CSMD1: variants seen among roughly 807,000 people sequenced by gnomAD.
The protein encoded by CSMD1 is CUB and Sushi multiple domains 1.
In CSMD1, 213 loss-of-function variants were observed where a neutral mutation model predicts 417.5. The observed-to-expected ratio is 0.51, with a 90% confidence interval of 0.46 to 0.57. The LOEUF is 0.57. Among genes scored for constraint, CSMD1 ranks in the 20% least tolerant of loss-of-function variants. CSMD1 has a pLI of 0.00. For missense variants in CSMD1, 6,923 were observed against 4,529.7 expected, an observed-to-expected ratio of 1.53 and a Z score of -15.17; for synonymous variants, 2,862 against 1,736.8, an observed-to-expected ratio of 1.65 and a Z score of -16.11.
chr8:4,380,504 G>A (rs560336788), intron 3 of CSMD1, among the ~76,000 whole-genome samples: 55 of 152,262 alleles, frequency 3.6e-4, no homozygotes, highest in Non-Finnish European at 5.9e-4. Flanking sequence ...CTGAGAAACC[G>A]TCACAGCCAA....
intron 10 of CSMD1, among the ~76,000 whole-genome samples, chr8:3,571,692 A>G (rs912984475): frequency 6.6e-6 from 1 of 151,482 alleles, no homozygotes; most frequent in African/African-American, 2.4e-5. Flanking sequence ...CTCCCTCCCC[A>G]TGCTTGAGGG....
chr8:3,124,304 A>G (rs1328831573), intron 41 of CSMD1, among the ~76,000 whole-genome samples: 1 of 152,232 alleles, frequency 6.6e-6, no homozygotes, highest in East Asian at 1.9e-4. Flanking sequence ...TAGGCAAATT[A>G]AAGCATAGAT....
chr8:3,952,095 A>T (rs1431020605), intron 5 of CSMD1, among the ~76,000 whole-genome samples: 2 of 152,218 alleles, frequency 1.3e-5, no homozygotes, highest in East Asian at 1.9e-4. Context: ...AAAATCTTTA[A>T]ATTTCCGACA....
chr8:4,779,412 C>A (rs950690405), intron 1 of CSMD1, among the ~76,000 whole-genome samples: 1 of 152,184 alleles, frequency 6.6e-6, no homozygotes. Context: ...CTACCAGCAA[C>A]ATTACCCCTG....
In CSMD1 at chr8:3,284,331, A is replaced by C; in HGVS notation, c.3966T>G (p.Val1322=). ...PGKTISLHFI[V]FDTEMAHDIL... is the part of the protein sequence containing the mutation. ...TGTCGTGAGCCATCTCCGTGTCGAA[A>C]ACAATGAAATGGAGGCTGCAAGAGA... The change falls in exon 26 of 70, where the codon GTT becomes GTG. Residue 1322 remains valine, a synonymous_variant. Coordinates refer to ENST00000635120, the MANE Select transcript of CSMD1 (RefSeq NM_033225.6). 6.2e-7 allele frequency: 1 copy of C among 1,613,640 alleles called. No homozygotes were observed. The highest frequency in any genetic ancestry group is 8.5e-7 in the Non-Finnish European group (1 of 1,179,776).
At chr8:4,728,185 A>C (rs915160068) in intron 1 of CSMD1, among the ~76,000 whole-genome samples, 2 of 147,410 alleles carry the variant, frequency 1.4e-5, no homozygotes, top group African/African-American at 2.5e-5. Context: ...TTTGGCATTT[A>C]TATATTCGTA....
intron 1 of CSMD1, among the ~76,000 whole-genome samples, chr8:4,721,609 G>C (rs778180798): frequency 2.0e-5 from 3 of 152,180 alleles, no homozygotes; most frequent in Non-Finnish European, 2.9e-5. Context: ...CTGTTTGTGT[G>C]AATATAGATT....
At chr8:2,975,430 C>T (rs1053661289) in intron 55 of CSMD1, among the ~76,000 whole-genome samples, 8 of 152,086 alleles carry the variant, frequency 5.3e-5, no homozygotes, top group African/African-American at 1.2e-4. Flanking sequence ...TACTCAAAGG[C>T]GACTGCTTTA....
chr8:3,321,694 G>T (rs1248577714), intron 23 of CSMD1, among the ~76,000 whole-genome samples: 1 of 136,650 alleles, frequency 7.3e-6, no homozygotes, highest in African/African-American at 2.5e-5. Flanking sequence ...TAGACAATGT[G>T]TCTGTAAGTG....
chr8:3,898,467 A>T (rs1807512155), intron 5 of CSMD1, among the ~76,000 whole-genome samples: 1 of 152,234 alleles, frequency 6.6e-6, no homozygotes, highest in East Asian at 1.9e-4. Flanking sequence ...AATATTATGG[A>T]TGTCGCATCA....
intron 1 of CSMD1, among the ~76,000 whole-genome samples, chr8:4,698,220 C>CCCTGGT (rs1211047125): frequency 3.3e-5 from 5 of 151,474 alleles, no homozygotes; most frequent in Non-Finnish European, 7.4e-5. Flanking sequence ...ATTAAGTAAG[C>CCCTGGT]CCTGGTTCTT....
At chr8:4,785,916 G>T (rs931066658) in intron 1 of CSMD1, among the ~76,000 whole-genome samples, 1 of 152,140 alleles carries the variant, frequency 6.6e-6, no homozygotes, top group Non-Finnish European at 1.5e-5. Context: ...ACCAAAGACT[G>T]AACCCTCCTC....
At chr8:4,070,226 G>A (rs1389044364) in intron 3 of CSMD1, among the ~76,000 whole-genome samples, 1 of 151,012 alleles carries the variant, frequency 6.6e-6, no homozygotes, top group Non-Finnish European at 1.5e-5. Context: ...TTTTCTTTTT[G>A]GTATGCTTAT....
chr8:3,890,218 A>G (rs2129126749), intron 5 of CSMD1, among the ~76,000 whole-genome samples: 1 of 152,306 alleles, frequency 6.6e-6, no homozygotes, highest in African/African-American at 2.4e-5. Flanking sequence ...TTTACTTTTA[A>G]TAAAAGATAA....
rs140149384 is a variant in CSMD1 at position 3,340,387 on chromosome 8, G to A, written c.3631+2907C>T. Among the ~76,000 whole-genome samples the A allele has an allele frequency of 2.9e-3, 436 of 151,292 alleles. 3 individuals are homozygous for A. The highest frequency in any genetic ancestry group is 4.5e-3 in the Non-Finnish European group (303 of 67,728). On this transcript the variant is annotated intron_variant, in intron 23 of 69. Transcript: ENST00000635120. ...TGTACCCATTTCTAAAAATGTTAGG[G>A]TTTTTTTTTATTAAGCTATATATTT...
intron 2 of CSMD1, among the ~76,000 whole-genome samples, chr8:4,595,829 C>A (rs1800247033): frequency 6.6e-6 from 1 of 152,198 alleles, no homozygotes; most frequent in African/African-American, 2.4e-5. Flanking sequence ...CTCCTGTTTT[C>A]CTTCCTGGAC....
chr8:3,117,313 C>T (rs573233932), intron 42 of CSMD1, among the ~76,000 whole-genome samples: 2 of 152,214 alleles, frequency 1.3e-5, no homozygotes, highest in Middle Eastern at 3.4e-3. Flanking sequence ...TCTTGTGATC[C>T]GCCCACCTCA....
intron 12 of CSMD1, among the ~76,000 whole-genome samples, chr8:3,423,435 A>G (rs1813622681): frequency 6.6e-6 from 1 of 152,094 alleles, no homozygotes; most frequent in Non-Finnish European, 1.5e-5. Context: ...GGGTACACAC[A>G]TTTTTGTCTC....
intron 3 of CSMD1, among the ~76,000 whole-genome samples, chr8:4,183,228 A>T (rs984494001): frequency 6.6e-6 from 1 of 152,196 alleles, no homozygotes; most frequent in Non-Finnish European, 1.5e-5. Context: ...AAAATGGAGA[A>T]GATCATCTCT....
Sources: gnomAD v4.1 joint callset for allele counts (sites outside exome capture counted in the v4.1 genomes callset) on GRCh38, gnomAD v4.1.1 for gene constraint, MANE v1.5 for transcripts, NCBI Gene and HGNC (gene_info 2026-07-23, HGNC 2026-07-21) for gene names.